The following GPC5 variants were observed in gnomAD, a reference collection of about 807,000 sequenced individuals.
GPC5 encodes glypican 5.
GPC5 carries 47 observed loss-of-function variants against 53.9 expected under a neutral mutation model. The ratio of observed to expected loss-of-function variants is 0.87; its 90% CI spans 0.69 to 1.11. The LOEUF (loss-of-function observed/expected upper bound fraction) is 1.11, where lower values mean the gene tolerates loss of function less well. Among genes scored for constraint, GPC5 ranks in the 50% most tolerant of loss-of-function variants. The probability of loss-of-function intolerance (pLI) is 0.00; values close to 1 mark genes in which losing one functional copy is unlikely to be tolerated. For missense variants in GPC5, 748 were observed against 713.1 expected, an observed-to-expected ratio of 1.05 and a Z score of -0.56; for synonymous variants, 286 against 263.3, an observed-to-expected ratio of 1.09 and a Z score of -0.84.
intron 6 of GPC5, among the ~76,000 whole-genome samples, chr13:92,092,801 T>C (rs935379919): frequency 8.5e-5 from 13 of 152,196 alleles, no homozygotes; most frequent in Non-Finnish European, 1.5e-4. Context: ...AAAATGAATA[T>C]ATGTTCATGA....
At chr13:91,680,157 A>G (rs187617510) in intron 2 of GPC5, among the ~76,000 whole-genome samples, 1 of 152,310 alleles carries the variant, frequency 6.6e-6, no homozygotes, top group Non-Finnish European at 1.5e-5. Flanking sequence ...CCAGTACTTA[A>G]AAATGTGATG....
intron 6 of GPC5, among the ~76,000 whole-genome samples, chr13:91,966,810 A>G (rs935406881): frequency 1.3e-5 from 2 of 152,214 alleles, no homozygotes; most frequent in African/African-American, 4.8e-5. Context: ...GGAAAAAAGC[A>G]AATAAAGAAT....
chr13:92,273,700 A>G (rs1017910727), intron 7 of GPC5, among the ~76,000 whole-genome samples: 1 of 152,032 alleles, frequency 6.6e-6, no homozygotes, highest in Non-Finnish European at 1.5e-5. Context: ...AGAAACAATG[A>G]TGTGGAAAGG....
intron 3 of GPC5, among the ~76,000 whole-genome samples, chr13:91,699,669 A>G (rs1271173336): frequency 1.3e-5 from 2 of 152,232 alleles, no homozygotes; most frequent in Admixed American, 1.3e-4. Context: ...TGTGAAAGTC[A>G]GCTCTGAAAG....
At position 92,004,478 on chromosome 13, in the gene GPC5, A is replaced by ATATATATATAT. The variant is rs1555303844; in HGVS notation, c.1401+96422_1401+96432dup. 1.3e-3 allele frequency among the ~76,000 whole-genome samples: 180 copies of ATATATATATAT among 136,086 alleles called. 8 individuals carry two copies. The highest frequency in any genetic ancestry group is 4.6e-3 in the African/African-American group (166 of 35,734). The allele number at this position is 136,086 out of a possible 152,430, so 89.3% of individuals were successfully genotyped here. ...AAAAATTATATATATATATATATAT[A>ATATATATATAT]TATATATATATAATTACACTATAGC... is the stretch of plus-strand genomic sequence containing the variant. On this transcript the variant is annotated intron_variant, in intron 6 of 7. Transcript: ENST00000377067.
intron 6 of GPC5, among the ~76,000 whole-genome samples, chr13:91,914,770 C>A (rs2039643095): frequency 7.7e-6 from 1 of 129,070 alleles, no homozygotes; most frequent in Non-Finnish European, 1.7e-5. Context: ...TACACACACA[C>A]ACACACACAA....
intron 4 of GPC5, among the ~76,000 whole-genome samples, chr13:91,732,747 C>A (rs906632460): frequency 6.6e-6 from 1 of 152,108 alleles, no homozygotes; most frequent in African/African-American, 2.4e-5. Context: ...TATTGTTAGC[C>A]AGTTTTCCCA....
At chr13:92,554,482 C>T (rs1034332039) in intron 7 of GPC5, among the ~76,000 whole-genome samples, 2 of 150,530 alleles carry the variant, frequency 1.3e-5, no homozygotes, top group African/African-American at 2.4e-5. Context: ...ATAGATTTAA[C>T]CCAACAAGCT....
At chr13:92,005,822 A>G (rs2040601473) in intron 6 of GPC5, among the ~76,000 whole-genome samples, 1 of 152,278 alleles carries the variant, frequency 6.6e-6, no homozygotes, top group Middle Eastern at 3.4e-3. Context: ...GTTTAACAAT[A>G]TTGGAATATT....
chr13:91,542,173 TCTC>T (rs959765232), intron 2 of GPC5, among the ~76,000 whole-genome samples: 1 of 152,146 alleles, frequency 6.6e-6, no homozygotes, highest in African/African-American at 2.4e-5. Flanking sequence ...TGGGTTTTAT[TCTC>T]CTTTTTAAAT....
intron 7 of GPC5, among the ~76,000 whole-genome samples, chr13:92,635,675 T>C (rs1885386053): frequency 6.6e-6 from 1 of 152,214 alleles, no homozygotes; most frequent in East Asian, 1.9e-4. Flanking sequence ...ACTATAACCC[T>C]GTCTGATTAT....
chr13:91,734,801 C>T (rs1195105224), intron 4 of GPC5, among the ~76,000 whole-genome samples: 1 of 151,170 alleles, frequency 6.6e-6, no homozygotes, highest in Admixed American at 6.6e-5. Context: ...ACATCCCATT[C>T]TTGTTTCATG....
At chr13:91,980,476 A>C (rs1248439449) in intron 6 of GPC5, among the ~76,000 whole-genome samples, 10 of 152,140 alleles carry the variant, frequency 6.6e-5, no homozygotes, top group Non-Finnish European at 1.3e-4. Context: ...ACCACCCAGA[A>C]GCCCCTTTCT....
intron 2 of GPC5, among the ~76,000 whole-genome samples, chr13:91,584,794 G>T (rs1330887074): frequency 6.6e-6 from 1 of 152,062 alleles, no homozygotes; most frequent in Non-Finnish European, 1.5e-5. Context: ...TGGCCAGGCT[G>T]GTCTCAAACT....
At chr13:91,802,307 G>C (rs908520642) in intron 5 of GPC5, among the ~76,000 whole-genome samples, 3 of 151,680 alleles carry the variant, frequency 2.0e-5, no homozygotes, top group African/African-American at 7.3e-5. Flanking sequence ...CACAGTGAGT[G>C]TTACAGCTCT....
intron 6 of GPC5, among the ~76,000 whole-genome samples, chr13:92,142,699 C>T (rs16947062): frequency 0.11 from 17,491 of 152,112 alleles, 1,102 homozygotes; most frequent in Middle Eastern, 0.13. Context: ...TGGCTGGATC[C>T]TCATAACATA....
chr13:92,467,906 A>C (rs9561055), intron 7 of GPC5, among the ~76,000 whole-genome samples: 45,068 of 152,050 alleles, frequency 0.3, 7,228 homozygotes, highest in East Asian at 0.42. Flanking sequence ...ATGCACACAC[A>C]AGCTAGATTA....
chr13:92,298,911 A>G (rs576071999), intron 7 of GPC5, among the ~76,000 whole-genome samples: 1 of 152,282 alleles, frequency 6.6e-6, no homozygotes, highest in South Asian at 2.1e-4. Context: ...TGCAAATCAT[A>G]ATTAAGGTGA....
In GPC5 at chr13:92,567,140, T is replaced by C. The variant is rs151217041; in HGVS notation, c.1562-299142T>C. ...TCAGGTATTCACACAAAATGGACAG[T>C]TATTTCCTTAAAGGCCATGTTCCCA... On this transcript the variant is annotated intron_variant, in intron 7 of 7. Transcript: ENST00000377067. Among the ~76,000 whole-genome samples the C allele has an allele frequency of 2.9e-3, 441 of 152,204 alleles. 2 individuals carry two copies. The highest frequency in any genetic ancestry group is 9.9e-3 in the African/African-American group (412 of 41,560).
Sources: allele counts gnomAD v4.1 joint callset (sites outside exome capture counted in the v4.1 genomes callset), GRCh38; gene constraint gnomAD v4.1.1; transcripts MANE v1.5; gene names NCBI Gene and HGNC (gene_info 2026-07-23, HGNC 2026-07-21).